TCF4: variants seen among roughly 807,000 people sequenced by gnomAD.
TCF4 encodes SL3-3 enhancer factor 2.
Under a neutral mutation model 82.1 loss-of-function variants are expected in TCF4, and 3 were observed. The observed-to-expected ratio is 0.04, with a 90% CI of 0.02 to 0.09. The LOEUF (loss-of-function observed/expected upper bound fraction) is 0.09. Among genes scored for constraint, TCF4 ranks in the 10% least tolerant of loss-of-function variants. The pLI is 1.00. For missense variants in TCF4, 518 were observed against 852.7 expected (o/e 0.61, Z 4.89); for synonymous variants, 276 against 309.6 (o/e 0.89, Z 1.14).
chr18:55,504,723 C>T (rs1357390525), intron 3 of TCF4, among the ~76,000 whole-genome samples: 1 of 152,124 alleles, frequency 6.6e-6, no homozygotes, highest in Middle Eastern at 3.2e-3. Flanking sequence ...TGCATCTGCC[C>T]CATACACAGT....
intron 15 of TCF4, among the ~76,000 whole-genome samples, chr18:55,236,578 C>A (rs1015677278): frequency 6.6e-6 from 1 of 152,046 alleles, no homozygotes; most frequent in East Asian, 1.9e-4. Context: ...TTGTAACTCA[C>A]TCTCTTATAT....
intron 8 of TCF4, among the ~76,000 whole-genome samples, chr18:55,302,780 T>C (rs2068738779): frequency 6.6e-6 from 1 of 152,198 alleles, no homozygotes; most frequent in Non-Finnish European, 1.5e-5. Context: ...AAGCTGCATC[T>C]GGAGCCCGTT....
chr18:55,483,673 T>C (rs1030473102), intron 3 of TCF4, among the ~76,000 whole-genome samples: 2 of 152,226 alleles, frequency 1.3e-5, no homozygotes, highest in Non-Finnish European at 2.9e-5. Flanking sequence ...TATATAATCA[T>C]TGGCCTCAGG....
chr18:55,363,062 G>C (rs1464307387), intron 6 of TCF4, among the ~76,000 whole-genome samples: 1 of 152,116 alleles, frequency 6.6e-6, no homozygotes, highest in African/African-American at 2.4e-5. Flanking sequence ...AAATTCCAAA[G>C]AGAGAAAAAT....
rs147195686 is a variant in TCF4 at position 55,252,444 on chromosome 18, C to A, written c.1350+2053G>T. On this transcript the variant is annotated intron_variant, in intron 15 of 19. Transcript: ENST00000354452. The stretch of plus-strand genomic sequence containing the variant: ...TGGCTAATTATTTCCTTTTTTCTAC[C>A]GTTCTATTCAGTCGTCTCACTTTCG... 5.3e-5 allele frequency among the ~76,000 whole-genome samples: 8 copies of A among 151,714 alleles called. 1 individual carries two copies. The highest frequency in any genetic ancestry group is 9.7e-5 in the African/African-American group (4 of 41,348).
intron 2 of TCF4, among the ~76,000 whole-genome samples, chr18:55,621,738 A>G (rs1402577698): frequency 1.3e-4 from 11 of 86,294 alleles, no homozygotes; most frequent in African/African-American, 5.0e-4. Flanking sequence ...TAATTATACA[A>G]TTGTATTTAT....
chr18:55,355,030 T>C (rs191802089), intron 6 of TCF4, among the ~76,000 whole-genome samples: 2 of 152,306 alleles, frequency 1.3e-5, no homozygotes, highest in East Asian at 3.9e-4. Context: ...TGCCAAATGC[T>C]TGTGAGTCTA....
chr18:55,560,703 G>A (rs2097347723), intron 3 of TCF4, among the ~76,000 whole-genome samples: 3 of 152,108 alleles, frequency 2.0e-5, no homozygotes, highest in Admixed American at 2.0e-4. Context: ...AGGCTCTTAA[G>A]TAATAAAGTC....
At chr18:55,363,214 C>A (rs1158176340) in intron 6 of TCF4, among the ~76,000 whole-genome samples, 1 of 151,708 alleles carries the variant, frequency 6.6e-6, no homozygotes, top group East Asian at 1.9e-4. Flanking sequence ...GCGGCTGCTG[C>A]CAGATCAGGA....
At position 55,227,864 on chromosome 18, in the gene TCF4, G is replaced by T; in HGVS notation, c.*171C>A. 1 of 223,756 alleles carries T rather than the reference G, an allele frequency of 4.5e-6. No individual in the cohort carries two copies. Among genetic ancestry groups the T allele is most frequent in the Non-Finnish European group, 9.0e-6 (1 of 111,324 alleles). The allele number at this position is 223,756 out of a possible 1,614,324, so 13.9% of individuals were successfully genotyped here. A position where few individuals can be genotyped will look rare whatever the true frequency, so the allele number is the denominator to read the frequency against. ...TCTTTTTTTTGTTTTTCTGTTTTTT[G>T]ATAATTGGGAATGCTGAAACCTCTT... is the stretch of plus-strand genomic sequence containing the variant. On this transcript the variant is annotated 3_prime_UTR_variant, in exon 20 of 20. Transcript: ENST00000354452.
At chr18:55,581,846 TCAAA>T (rs1314073666) in intron 3 of TCF4, among the ~76,000 whole-genome samples, 3 of 152,156 alleles carry the variant, frequency 2.0e-5, no homozygotes, top group Non-Finnish European at 4.4e-5. Context: ...TCTTAATTGT[TCAAA>T]CACTCGTTCA....
intron 3 of TCF4, among the ~76,000 whole-genome samples, chr18:55,549,876 G>T (rs1279087321): frequency 6.6e-6 from 1 of 152,140 alleles, no homozygotes; most frequent in Non-Finnish European, 1.5e-5. Context: ...TGCAGTGCAT[G>T]GCCTTATTAG....
At chr18:55,348,559 C>A (rs1054872687) in intron 8 of TCF4, among the ~76,000 whole-genome samples, 1 of 152,090 alleles carries the variant, frequency 6.6e-6, no homozygotes, top group Non-Finnish European at 1.5e-5. Flanking sequence ...AGCAGCAACA[C>A]CTAAATTGTC....
chr18:55,546,114 T>C (rs1202996973), intron 3 of TCF4, among the ~76,000 whole-genome samples: 2 of 152,066 alleles, frequency 1.3e-5, no homozygotes, highest in Non-Finnish European at 2.9e-5. Context: ...GGCAGGAGAA[T>C]GATTTGAGCC....
chr18:55,621,078 A>C, intron 2 of TCF4, among the ~76,000 whole-genome samples: 1 of 152,000 alleles, frequency 6.6e-6, no homozygotes, highest in East Asian at 1.9e-4. Flanking sequence ...AGTTATCTAT[A>C]ATGTTGATTC....
intron 3 of TCF4, among the ~76,000 whole-genome samples, chr18:55,582,982 T>C (rs915833623): frequency 2.6e-5 from 4 of 152,120 alleles, no homozygotes; most frequent in African/African-American, 9.7e-5. Flanking sequence ...TTTTAAAAGA[T>C]TTAACTCTTT....
chr18:55,593,270 A>C (rs957990758), upstream of TCF4, among the ~76,000 whole-genome samples: 3 of 152,210 alleles, frequency 2.0e-5, no homozygotes, highest in African/African-American at 4.8e-5. Flanking sequence ...TGTAAAAAAA[A>C]AAAATTATAA....
At chr18:55,394,776 A>G (rs2093390325) in intron 6 of TCF4, among the ~76,000 whole-genome samples, 1 of 152,194 alleles carries the variant, frequency 6.6e-6, no homozygotes, top group South Asian at 2.1e-4. Flanking sequence ...TGAACATGAA[A>G]GGTCCATGCT....
At chr18:55,472,188 A>G (rs143282805) in intron 3 of TCF4, among the ~76,000 whole-genome samples, 2 of 152,336 alleles carry the variant, frequency 1.3e-5, no homozygotes, top group Non-Finnish European at 2.9e-5. Flanking sequence ...GCATCTTCCT[A>G]TAACATAAAA....
Sources: gnomAD v4.1 joint callset for allele counts (sites outside exome capture counted in the v4.1 genomes callset) on GRCh38, gnomAD v4.1.1 for gene constraint, MANE v1.5 for transcripts, NCBI Gene and HGNC (gene_info 2026-07-23, HGNC 2026-07-21) for gene names.